The following TSHZ2 variants were observed in gnomAD, a reference collection of about 807,000 sequenced individuals.
TSHZ2 encodes teashirt zinc finger homeobox 2.
Under a neutral mutation model 74.4 loss-of-function variants are expected in TSHZ2, and 21 were observed. The ratio of observed to expected loss-of-function variants is 0.28; its 90% CI spans 0.20 to 0.41. The LOEUF (loss-of-function observed/expected upper bound fraction) is 0.41. Among genes scored for constraint, TSHZ2 ranks in the 10% least tolerant of loss-of-function variants. The probability of loss-of-function intolerance (pLI) is 1.00; values close to 1 mark genes in which losing one functional copy is unlikely to be tolerated. For synonymous variants in TSHZ2, 540 were observed against 515.3 expected (o/e 1.05, Z -0.65); for missense variants, 1,244 against 1,293.5 (o/e 0.96, Z 0.59).
At chr20:53,172,040 G>A (rs550159182) in intron 1 of TSHZ2, among the ~76,000 whole-genome samples, 4 of 152,142 alleles carry the variant, frequency 2.6e-5, no homozygotes, top group African/African-American at 9.7e-5. Flanking sequence ...AAAAATGATT[G>A]TTGTATGCAT....
At chr20:53,216,389 T>A (rs762269646) in intron 1 of TSHZ2, among the ~76,000 whole-genome samples, 2 of 152,058 alleles carry the variant, frequency 1.3e-5, no homozygotes, top group Non-Finnish European at 2.9e-5. Context: ...GGTGGCGGAA[T>A]CCCTGGCAGA....
chr20:53,336,964 T>C (rs1979974272), intron 2 of TSHZ2, among the ~76,000 whole-genome samples: 1 of 152,228 alleles, frequency 6.6e-6, no homozygotes, highest in African/African-American at 2.4e-5. Context: ...CCTATATATG[T>C]GTATACATAC....
At chr20:53,419,013 C>A in intron 2 of TSHZ2, among the ~76,000 whole-genome samples, 1 of 152,218 alleles carries the variant, frequency 6.6e-6, no homozygotes, top group East Asian at 1.9e-4. Context: ...AAAGTTCAAG[C>A]CATCCTGTGC....
At chr20:53,133,997 C>A (rs1356949571) in intron 1 of TSHZ2, among the ~76,000 whole-genome samples, 1 of 135,058 alleles carries the variant, frequency 7.4e-6, no homozygotes, top group African/African-American at 3.0e-5. Context: ...GGCCACGTTT[C>A]ATGGGCAAGA....
chr20:53,262,939 G>A (rs1178939184), intron 2 of TSHZ2, among the ~76,000 whole-genome samples: 2 of 152,202 alleles, frequency 1.3e-5, no homozygotes, highest in African/African-American at 4.8e-5. Context: ...TGTAGCTGTT[G>A]AGAACATTCG....
At chr20:53,391,140 GTTTT>G (rs1369249339) in intron 2 of TSHZ2, among the ~76,000 whole-genome samples, 161 of 149,634 alleles carry the variant, frequency 1.1e-3, no homozygotes, top group African/African-American at 4.0e-3. Context: ...GTTTTGTTTT[GTTTT>G]GTTTTGTTTT....
chr20:53,030,515 G>A (rs934668329), intron 1 of TSHZ2, among the ~76,000 whole-genome samples: 2 of 152,146 alleles, frequency 1.3e-5, no homozygotes, highest in Non-Finnish European at 2.9e-5. Flanking sequence ...AGTCTCTCTG[G>A]TCTCTGGGTC....
At chr20:53,285,693 A>C (rs1310728078) in intron 2 of TSHZ2, among the ~76,000 whole-genome samples, 1 of 151,350 alleles carries the variant, frequency 6.6e-6, no homozygotes, top group Non-Finnish European at 1.5e-5. Context: ...CTGGGGCCGC[A>C]GAGCAAGACT....
chr20:53,396,216 C>T (rs896793390), intron 2 of TSHZ2, among the ~76,000 whole-genome samples: 3 of 152,216 alleles, frequency 2.0e-5, no homozygotes, highest in Non-Finnish European at 2.9e-5. Flanking sequence ...GGATTACAGG[C>T]GTGAGCCACT....
chr20:53,196,746 C>G lies in TSHZ2; in HGVS notation c.41-56753C>G, dbSNP rs1404804500. The stretch of plus-strand genomic sequence containing the variant: ...CAGTGTTTTCTGGTTAGCATCCTGC[C>G]TAGAATTCCAGGTATTTCTAAGGTA... On this transcript the variant is annotated intron_variant, in intron 1 of 2. Transcript: ENST00000371497. Among the ~76,000 whole-genome samples, 5 of 152,184 alleles carry G rather than the reference C, an allele frequency of 3.3e-5. No homozygotes were observed. In the East Asian group the frequency reaches 9.6e-4, roughly 29 times the overall value.
intron 2 of TSHZ2, among the ~76,000 whole-genome samples, chr20:53,390,223 T>G (rs978166149): frequency 3.3e-5 from 5 of 152,232 alleles, no homozygotes; most frequent in African/African-American, 1.2e-4. Flanking sequence ...GGCACTGGAT[T>G]ACTTGGTATT....
At chr20:53,109,886 T>TCTCAGCTCAG (rs542379160) in intron 1 of TSHZ2, among the ~76,000 whole-genome samples, 1 of 152,150 alleles carries the variant, frequency 6.6e-6, no homozygotes, top group Non-Finnish European at 1.5e-5. Flanking sequence ...TGTCCTGGGT[T>TCTCAGCTCAG]CTCAGCTCAG....
At chr20:53,252,452 T>G (rs1209531280) in intron 1 of TSHZ2, among the ~76,000 whole-genome samples, 1 of 152,212 alleles carries the variant, frequency 6.6e-6, no homozygotes, top group African/African-American at 2.4e-5. Context: ...TTGCATGTTA[T>G]CTGCATGGTT....
At chr20:53,458,794 T>G (rs1328940496) in intron 2 of TSHZ2, among the ~76,000 whole-genome samples, 1 of 152,114 alleles carries the variant, frequency 6.6e-6, no homozygotes, top group Non-Finnish European at 1.5e-5. Context: ...AAGAACATCT[T>G]CATTTCTGCC....
chr20:53,453,817 G>A (rs184017241), intron 2 of TSHZ2, among the ~76,000 whole-genome samples: 2 of 152,066 alleles, frequency 1.3e-5, no homozygotes, highest in Admixed American at 6.5e-5. Context: ...CCAGAGAAAT[G>A]GAATTCTCCA....
chr20:53,410,472 G>A (rs1014935698), intron 2 of TSHZ2, among the ~76,000 whole-genome samples: 3 of 152,050 alleles, frequency 2.0e-5, no homozygotes, highest in African/African-American at 7.2e-5. Flanking sequence ...TAACAAAATC[G>A]GTGGAGGAGG....
At chr20:53,308,915 G>A (rs556313318) in intron 2 of TSHZ2, among the ~76,000 whole-genome samples, 37 of 152,282 alleles carry the variant, frequency 2.4e-4, no homozygotes, top group African/African-American at 8.7e-4. Flanking sequence ...TTGTTATATG[G>A]TTCCTGAGGC....
At chr20:52,981,143 C>T (rs1266430234) in intron 1 of TSHZ2, among the ~76,000 whole-genome samples, 1 of 152,074 alleles carries the variant, frequency 6.6e-6, no homozygotes, top group Non-Finnish European at 1.5e-5. Context: ...TCTTGTTTTC[C>T]CCCTTGGGAT....
intron 1 of TSHZ2, among the ~76,000 whole-genome samples, chr20:53,169,122 A>G (rs1306860216): frequency 2.0e-5 from 3 of 152,180 alleles, no homozygotes; most frequent in Non-Finnish European, 4.4e-5. Context: ...GCTCCAGGTA[A>G]GTGGGATGGA....
Sources: allele counts gnomAD v4.1 joint callset (sites outside exome capture counted in the v4.1 genomes callset), GRCh38; gene constraint gnomAD v4.1.1; transcripts MANE v1.5; gene names NCBI Gene and HGNC (gene_info 2026-07-23, HGNC 2026-07-21).